The following ELP2 variants were observed in gnomAD, a reference collection of about 807,000 sequenced individuals.
The protein encoded by ELP2 is elongator acetyltransferase complex subunit 2, also known as elongator complex protein 2.
ELP2 carries 90 observed loss-of-function variants against 119.2 expected under a neutral mutation model. That is an observed-to-expected ratio of 0.75 (90% confidence interval 0.64 to 0.90). The LOEUF (loss-of-function observed/expected upper bound fraction) is 0.90. Ranked by LOEUF, ELP2 falls within the 40% of genes least tolerant of loss-of-function variation. The pLI, the probability that ELP2 is intolerant of heterozygous loss-of-function variation, is 0.00. For synonymous variants in ELP2, 339 were observed against 331.0 expected (o/e 1.02, Z -0.26); for missense variants, 921 against 967.8 (o/e 0.95, Z 0.64).
chr18:36,164,625 T>TG lies in ELP2; in HGVS notation c.1914dup (p.Ser639ValfsTer12), dbSNP rs2090839954. The stretch of plus-strand genomic sequence containing the variant: ...ACTAGCTGTTTCCAGAGATCGAACC[T>TG]GGTCATTGTGGAAAAAGCAGGATAC... On this transcript the variant is annotated frameshift_variant, in exon 18 of 22. Transcript: ENST00000358232. LOFTEE classifies it high-confidence loss of function. 1 of 1,613,960 alleles carries TG rather than the reference T, an allele frequency of 6.2e-7. No individual in the cohort carries two copies. Among genetic ancestry groups the TG allele is most frequent in the South Asian group, 1.1e-5 (1 of 91,076 alleles).
At chr18:36,148,900 C>T (rs912590112) in intron 11 of ELP2, among the ~76,000 whole-genome samples, 7 of 152,206 alleles carry the variant, frequency 4.6e-5, no homozygotes, top group Admixed American at 4.6e-4. Context: ...TATGCACACA[C>T]AGTCAATAAT....
chr18:36,150,799 A>G (rs190738138), intron 11 of ELP2, among the ~76,000 whole-genome samples: 29 of 152,350 alleles, frequency 1.9e-4, no homozygotes, highest in Non-Finnish European at 2.8e-4. Context: ...ATCAGACACA[A>G]TGTTCAGCCC....
rs34123067 is a variant in ELP2, at chr18:36,152,196, CAA to C, written c.1126-2642_1126-2641del. Among the ~76,000 whole-genome samples the C allele has an allele frequency of 1.5e-3, 215 of 144,416 alleles. 1 individual carries two copies. Among genetic ancestry groups the C allele is most frequent in the Admixed American group, 2.9e-3 (43 of 14,596 alleles). 94.7% of individuals were successfully genotyped at this position (144,416 alleles called of 152,430 possible). On this transcript the variant is annotated intron_variant, in intron 11 of 21. Transcript: ENST00000358232. ...TGGGTGACAGAGTGAGACCCTATCT[CAA>C]AAAAAAAAAAACAACAAAGATCTTT...
intron 21 of ELP2, among the ~76,000 whole-genome samples, chr18:36,173,796 GT>G (rs200818851): frequency 0.019 from 2,963 of 152,188 alleles, 100 homozygotes; most frequent in African/African-American, 0.068. Context: ...TTCCTTTTTG[GT>G]TTGGGAAGCT....
chr18:36,145,158 G>C (rs2090158591), intron 9 of ELP2, 124 bp downstream of exon 9: 1 of 775,622 alleles, frequency 1.3e-6, no homozygotes. Flanking sequence ...ACATTTTCAA[G>C]TTGACAAAGT....
intron 11 of ELP2, among the ~76,000 whole-genome samples, chr18:36,150,717 A>G (rs1289579868): frequency 1.3e-5 from 2 of 152,146 alleles, no homozygotes; most frequent in South Asian, 2.1e-4. Context: ...TAGCATATCC[A>G]GTTAATATTG....
At chr18:36,149,478 G>GTTTTTTTTTTTTTTTT (rs1239631733) in intron 11 of ELP2, among the ~76,000 whole-genome samples, 1 of 64,516 alleles carries the variant, frequency 1.6e-5, no homozygotes, top group Non-Finnish European at 3.1e-5. Context: ...AGGGTTTTTT[G>GTTTTTTTTTTTTTTTT]TTTTGTTTTG....
At chr18:36,138,588 T>C in intron 4 of ELP2, 162 bp downstream of exon 4, 1 of 942,304 alleles carries the variant, frequency 1.1e-6, no homozygotes, top group Non-Finnish European at 1.6e-6. Flanking sequence ...AAATTCTCTA[T>C]ACCAAGACTT....
In ELP2 at chr18:36,146,330, T is replaced by G; in HGVS notation, c.1074T>G (p.Ala358=). Residue 358 remains alanine (A), a synonymous_variant, in exon 11 of 22, where the codon GCT becomes GCG. Coordinates refer to ENST00000358232, the MANE Select transcript of ELP2 (RefSeq NM_018255.4). ...QFNEDGSMII[A]HAFHGALHLW... ...ATGAAGATGGCTCCATGATCATTGC[T>G]CATGCTTTCCACGGAGCGTTGCACC... 1 of 1,614,136 alleles carries G rather than the reference T, an allele frequency of 6.2e-7. No individual in the cohort carries two copies.
chr18:36,176,343 G>C lies in ELP2; in HGVS notation c.*1702G>C, dbSNP rs963037837. The C allele has an allele frequency of 2.0e-5, 3 of 152,228 alleles. No individual in the cohort carries two copies. The highest frequency in any genetic ancestry group is 2.0e-4 in the Admixed American group (3 of 15,276). The allele number at this position is 152,228 out of a possible 1,614,324, so 9.4% of individuals were successfully genotyped here. A position where few individuals can be genotyped will look rare whatever the true frequency, so the allele number is the denominator to read the frequency against. On this transcript the variant is annotated 3_prime_UTR_variant, in exon 22 of 22. Coordinates refer to ENST00000358232, the MANE Select transcript of ELP2 (RefSeq NM_018255.4). ...GAGCATCTGAGCTTTGAACCTCAAAGACCAAAATGCCCTGCCCATTTTCCT... is the reference window on the plus strand; with the variant it reads ...GAGCATCTGAGCTTTGAACCTCAAACACCAAAATGCCCTGCCCATTTTCCT...
Position 36,142,863 on chromosome 18 carries a change from C to T in ELP2, c.693C>T (p.Cys231=). The T allele has an allele frequency of 6.2e-7, 1 of 1,605,488 alleles. No individual in the cohort carries two copies. The highest frequency in any genetic ancestry group is 1.3e-5 in the African/African-American group (1 of 74,726). The change falls in exon 8 of 22, where the codon TGC becomes TGT. Residue 231 remains cysteine (C), a synonymous_variant. Transcript: ENST00000358232. ...DLFLASCSQD[C]LIRIWKLYIK... ...TCCTAGCAAGCTGTTCACAAGATTG[C>T]CTGATAAGAATATGGAAGCTGTATA...
intron 11 of ELP2, among the ~76,000 whole-genome samples, chr18:36,152,361 C>T (rs981372188): frequency 1.3e-5 from 2 of 152,130 alleles, no homozygotes; most frequent in Non-Finnish European, 2.9e-5. Flanking sequence ...ATCTGTAAGA[C>T]TCATGAGAAG....
At position 36,170,187 on chromosome 18, in the gene ELP2, C is replaced by A; in HGVS notation, c.2201C>A (p.Pro734His). Residue 734 changes from proline to histidine, a missense_variant, in exon 20 of 22, where the codon CCT becomes CAT. Coordinates refer to ENST00000358232, the MANE Select transcript of ELP2 (RefSeq NM_018255.4). ...TAVSVCPVLH[P>H]SQRYVVAVGL... ...GTCAGCGTCTGCCCAGTGCTCCACC[C>A]TTCTCAACGGTCAGTCTCTGTGTGG... 1 of 1,614,154 alleles carries A rather than the reference C, an allele frequency of 6.2e-7. No homozygotes were observed. The highest frequency in any genetic ancestry group is 8.5e-7 in the Non-Finnish European group (1 of 1,180,026).
At chr18:36,139,587 C>A in intron 5 of ELP2, 2 of 1,534,694 alleles carry the variant, frequency 1.3e-6, no homozygotes, top group Non-Finnish European at 1.7e-6. Context: ...AACAGAATTT[C>A]ATTTCTTCCA....
At chr18:36,138,240 A>T in intron 3 of ELP2, 30 bp from the exon 4 acceptor site, 3 of 1,576,522 alleles carry the variant, frequency 1.9e-6, no homozygotes, top group Non-Finnish European at 2.6e-6. Flanking sequence ...CCTTTTTTTC[A>T]CAATGCTTCT....
intron 13 of ELP2, chr18:36,158,597 A>G: frequency 2.3e-6 from 1 of 434,772 alleles, no homozygotes. Context: ...TATGGATTGC[A>G]TGGGAGTTGG....
intron 17 of ELP2, among the ~76,000 whole-genome samples, chr18:36,164,272 T>A (rs890276086): frequency 1.3e-5 from 2 of 152,200 alleles, no homozygotes; most frequent in Admixed American, 6.5e-5. Flanking sequence ...TAGTCCCTGA[T>A]GATTGATTTT....
intron 1 of ELP2, among the ~76,000 whole-genome samples, chr18:36,131,089 G>T (rs984224965): frequency 6.6e-6 from 1 of 152,084 alleles, no homozygotes; most frequent in African/African-American, 2.4e-5. Flanking sequence ...TGGGAGGATC[G>T]CTTGAGCTCA....
chr18:36,172,000 A>G (rs1327993308), intron 21 of ELP2, among the ~76,000 whole-genome samples: 2 of 152,210 alleles, frequency 1.3e-5, no homozygotes, highest in African/African-American at 4.8e-5. Flanking sequence ...AGTTACAGGC[A>G]TGGGCCACTG....
Sources: gnomAD v4.1 joint callset for allele counts (sites outside exome capture counted in the v4.1 genomes callset) on GRCh38, gnomAD v4.1.1 for gene constraint, MANE v1.5 for transcripts, NCBI Gene and HGNC (gene_info 2026-07-23, HGNC 2026-07-21) for gene names.